The following SLC5A10 variants were observed in gnomAD, a reference collection of about 807,000 sequenced individuals.
SLC5A10 encodes the protein sodium/mannose cotransporter SLC5A10.
A neutral mutation model predicts 68.9 loss-of-function variants in SLC5A10; 55 were observed. The ratio of observed to expected loss-of-function variants is 0.80; its 90% CI spans 0.64 to 1.00. The LOEUF (loss-of-function observed/expected upper bound fraction) is 1.00. Among genes scored for constraint, SLC5A10 ranks in the 50% least tolerant of loss-of-function variants. The probability of loss-of-function intolerance (pLI) is 0.00; values close to 1 mark genes in which losing one functional copy is unlikely to be tolerated. For synonymous variants in SLC5A10, 344 were observed against 344.8 expected (o/e 1.00, Z 0.02); for missense variants, 732 against 819.3 (o/e 0.89, Z 1.30).
At chr17:18,989,292 C>T (rs1167449851) in intron 9 of SLC5A10, among the ~76,000 whole-genome samples, 3 of 152,138 alleles carry the variant, frequency 2.0e-5, no homozygotes, top group Admixed American at 1.3e-4. Context: ...CTACAGACTA[C>T]CCTGACTTGT....
At chr17:18,976,743 T>C in intron 8 of SLC5A10, 111 bp from the exon 9 acceptor site, 1 of 1,412,146 alleles carries the variant, frequency 7.1e-7, no homozygotes, top group South Asian at 1.3e-5. Context: ...GGTCAGAGGC[T>C]AATGGGACAT....
chr17:18,986,274 G>T (rs1482187848), intron 9 of SLC5A10: 1 of 152,230 alleles, frequency 6.6e-6, no homozygotes, highest in Non-Finnish European at 1.5e-5. Flanking sequence ...CTAGAAGATT[G>T]GTTGAGCCAA....
chr17:18,978,215 TG>T (rs746975174), intron 9 of SLC5A10: 2 of 1,575,374 alleles, frequency 1.3e-6, no homozygotes, highest in Non-Finnish European at 8.6e-7. Context: ...GACACCGTCC[TG>T]GGGGGCACTG....
intron 9 of SLC5A10, among the ~76,000 whole-genome samples, chr17:18,988,949 C>T (rs2043339697): frequency 1.3e-5 from 2 of 152,202 alleles, no homozygotes; most frequent in Admixed American, 6.5e-5. Context: ...GGCAGGGGGC[C>T]TGGCTGAGTG....
At position 19,013,460 on chromosome 17, in the gene SLC5A10, G is replaced by A. The variant is rs1000040617; in HGVS notation, c.1033G>A (p.Glu345Lys). Residue 345 changes from glutamate (E) to lysine (K), a missense_variant, in exon 10 of 15, where the codon GAG becomes AAG. Glu to Lys is a moderately conservative substitution (Grantham distance 56, BLOSUM62 1). Transcript: ENST00000395645. ...CGAGTGCCTGCGGGCCTGCGGGGCC[G>A]AGGTCGGCTGCTCCAACATCGCCTA... ...PSECLRACGA[E>K]VGCSNIAYPK... is the part of the protein sequence containing the mutation. The A allele has an allele frequency of 1.9e-6, 3 of 1,604,376 alleles. No homozygotes were observed. Among genetic ancestry groups the A allele is most frequent in the East Asian group, 2.3e-5 (1 of 44,242 alleles).
chr17:19,019,600 C>T lies in SLC5A10; in HGVS notation c.1410+9C>T, dbSNP rs755353760. On this transcript the variant is annotated intron_variant, in intron 12 of 14. Transcript: ENST00000395645. Reference sequence around the variant, plus strand: ...GACGTGCCAACGAGCAGGTGGGCGTCGGCGGTCTGCTCTCCCTGGGGACGT... The same window carrying T: ...GACGTGCCAACGAGCAGGTGGGCGTTGGCGGTCTGCTCTCCCTGGGGACGT... 90 of 1,610,084 alleles carry T rather than the reference C, an allele frequency of 5.6e-5. No homozygotes were observed. Among genetic ancestry groups the T allele is most frequent in the Non-Finnish European group, 6.9e-5 (81 of 1,179,604 alleles).
At chr17:18,954,303 G>A (rs958962951) in intron 1 of SLC5A10, among the ~76,000 whole-genome samples, 3 of 152,120 alleles carry the variant, frequency 2.0e-5, no homozygotes, top group Non-Finnish European at 2.9e-5. Context: ...TGGCTAGCAC[G>A]TCTAAGAAAG....
chr17:19,002,607 C>T (rs2043759221), intron 9 of SLC5A10, among the ~76,000 whole-genome samples: 1 of 152,254 alleles, frequency 6.6e-6, no homozygotes, highest in Admixed American at 6.5e-5. Flanking sequence ...ACACAGCTCA[C>T]TAGGTAAGCT....
intron 10 of SLC5A10, 80 bp from the exon 11 acceptor site, chr17:19,014,969 G>A (rs2044101734): frequency 6.6e-7 from 1 of 1,525,266 alleles, no homozygotes; most frequent in Non-Finnish European, 8.9e-7. Flanking sequence ...GCGGGCCTCA[G>A]GCATTAGAGC....
intron 9 of SLC5A10, among the ~76,000 whole-genome samples, chr17:19,006,439 A>G (rs2043894879): frequency 7.8e-6 from 1 of 128,144 alleles, no homozygotes; most frequent in South Asian, 2.4e-4. Flanking sequence ...AGGCCTCACT[A>G]TGTTGCTCAG....
chr17:19,015,859 G>A (rs889631823), intron 11 of SLC5A10, among the ~76,000 whole-genome samples: 4 of 152,300 alleles, frequency 2.6e-5, no homozygotes, highest in South Asian at 2.1e-4. Context: ...ATATCTGGGC[G>A]CTTCATGAGG....
At chr17:18,980,928 T>C (rs2043114871) in intron 9 of SLC5A10, among the ~76,000 whole-genome samples, 1 of 152,090 alleles carries the variant, frequency 6.6e-6, no homozygotes, top group Non-Finnish European at 1.5e-5. Flanking sequence ...TCTCACTCCC[T>C]CCCGAGGGGC....
Position 19,022,017 on chromosome 17 carries a change from C to T in SLC5A10, c.*1586C>T, listed in dbSNP as rs1162180559. 4.4e-6 allele frequency: 7 copies of T among 1,598,216 alleles called. No individual in the cohort carries two copies. The highest frequency in any genetic ancestry group is 4.6e-5 in the East Asian group (2 of 43,792). On this transcript the variant is annotated 3_prime_UTR_variant, in exon 15 of 15. Coordinates refer to ENST00000395645, the MANE Select transcript of SLC5A10 (RefSeq NM_001042450.4). ...GAAGAAGCCAACGCGCCCGCAGGAC[C>T]GGCCCCGCCACCAGTGGGGGTCTGG...
intron 9 of SLC5A10, among the ~76,000 whole-genome samples, chr17:18,993,297 C>A (rs2043477374): frequency 6.6e-6 from 1 of 152,106 alleles, no homozygotes; most frequent in Non-Finnish European, 1.5e-5. Flanking sequence ...TACCTTTTTT[C>A]AAATCCCAAC....
intron 1 of SLC5A10, among the ~76,000 whole-genome samples, chr17:18,958,216 G>T (rs1226664545): frequency 1.3e-5 from 2 of 152,206 alleles, no homozygotes; most frequent in Non-Finnish European, 2.9e-5. Context: ...GGCCACAGGT[G>T]TGTGCCACCA....
Position 19,020,523 on chromosome 17 carries a change from T to C in SLC5A10, c.*92T>C, listed in dbSNP as rs1376629395. 1 of 1,238,970 alleles carries C rather than the reference T, an allele frequency of 8.1e-7. No homozygotes were observed. Among genetic ancestry groups the C allele is most frequent in the East Asian group, 2.5e-5 (1 of 40,736 alleles). The allele number at this position is 1,238,970 out of a possible 1,614,324, so 76.7% of individuals were successfully genotyped here. The stretch of plus-strand genomic sequence containing the variant: ...ATCCCGAGGCCCCAAGAGGGGCAGA[T>C]TCCCCTCACAGCTGCACAGCAGCTC... On this transcript the variant is annotated 3_prime_UTR_variant, in exon 15 of 15. Transcript: ENST00000395645.
At chr17:18,964,948 G>A (rs1488547531) in intron 5 of SLC5A10, among the ~76,000 whole-genome samples, 1 of 152,130 alleles carries the variant, frequency 6.6e-6, no homozygotes, top group African/African-American at 2.4e-5. Flanking sequence ...TTCGAGACCA[G>A]CCTGGCCAAC....
At chr17:18,960,365 G>A (rs540733976) in intron 4 of SLC5A10, among the ~76,000 whole-genome samples, 183 bp from the exon 5 acceptor site, 1 of 152,342 alleles carries the variant, frequency 6.6e-6, no homozygotes, top group South Asian at 2.1e-4. Flanking sequence ...GGGCGCAGCC[G>A]GAGCAGCCCG....
rs369466243 is a variant in SLC5A10, at chr17:19,019,414, C to T, written c.1242-9C>T. On this transcript the variant is annotated splice_polypyrimidine_tract_variant and intron_variant, in intron 11 of 14. Coordinates refer to ENST00000395645, the MANE Select transcript of SLC5A10 (RefSeq NM_001042450.4). ...CGACGACCGCTGCCTGCCTTCCACT[C>T]GCCTGCAGGCTGGTCATAGTGGCAC... 7 of 1,606,066 alleles carry T rather than the reference C, an allele frequency of 4.4e-6. No individual in the cohort carries two copies. The highest frequency in any genetic ancestry group is 4.0e-5 in the African/African-American group (3 of 74,884).
Sources: allele counts gnomAD v4.1 joint callset (sites outside exome capture counted in the v4.1 genomes callset), GRCh38; gene constraint gnomAD v4.1.1; transcripts MANE v1.5; gene names NCBI Gene and HGNC (gene_info 2026-07-23, HGNC 2026-07-21).